DPPA2: variants seen among roughly 807,000 people sequenced by gnomAD.
The protein encoded by DPPA2 is developmental pluripotency associated 2.
DPPA2 carries 26 observed loss-of-function variants against 36.2 expected under a neutral mutation model. The ratio of observed to expected loss-of-function variants is 0.72; its 90% CI spans 0.53 to 1.00. The LOEUF is 1.00. Among genes scored for constraint, DPPA2 ranks in the 50% least tolerant of loss-of-function variants. The probability of loss-of-function intolerance (pLI) is 0.00; values close to 1 mark genes in which losing one functional copy is unlikely to be tolerated. For missense variants in DPPA2, 361 were observed against 365.1 expected (o/e 0.99, Z 0.09); for synonymous variants, 113 against 123.2 (o/e 0.92, Z 0.55).
chr3:109,302,685 C>A (rs1707477260), intron 7 of DPPA2, among the ~76,000 whole-genome samples: 1 of 150,596 alleles, frequency 6.6e-6, no homozygotes, highest in Admixed American at 6.7e-5. Flanking sequence ...AACTCCTGAC[C>A]TCGTGATCCG....
In DPPA2 at chr3:109,312,542, T is replaced by C. The variant is rs1177378579; in HGVS notation, c.181+3A>G. The C allele has an allele frequency of 3.1e-6, 5 of 1,612,494 alleles. No homozygotes were observed. Among genetic ancestry groups the C allele is most frequent in the Non-Finnish European group, 4.2e-6 (5 of 1,179,136 alleles). On this transcript the variant is annotated splice_donor_region_variant and intron_variant, in intron 3 of 8. Transcript: ENST00000478945. ...ACTAACTGAGCAATCCCTGTCCTCATACCTGGATTGTATTTCTTAGGCTTC... is the reference window on the plus strand; with the variant it reads ...ACTAACTGAGCAATCCCTGTCCTCACACCTGGATTGTATTTCTTAGGCTTC...
intron 1 of DPPA2, among the ~76,000 whole-genome samples, chr3:109,315,761 T>C (rs936944143): frequency 1.3e-5 from 2 of 152,122 alleles, no homozygotes. Context: ...CGGTGGCTCA[T>C]GTCTGTAATC....
intron 1 of DPPA2, among the ~76,000 whole-genome samples, chr3:109,315,078 A>G (rs190749207): frequency 3.3e-3 from 499 of 152,352 alleles, no homozygotes; most frequent in Non-Finnish European, 4.2e-3. Context: ...GAAGGAAAGA[A>G]AGAAGAAAAA....
chr3:109,310,040 T>C (rs1222993555), intron 3 of DPPA2, among the ~76,000 whole-genome samples: 1 of 150,886 alleles, frequency 6.6e-6, no homozygotes, highest in African/African-American at 2.4e-5. Context: ...CTGACCAATA[T>C]GGAGGAACCC....
At chr3:109,306,551 T>TA (rs1397176685) in intron 6 of DPPA2, among the ~76,000 whole-genome samples, 1 of 149,546 alleles carries the variant, frequency 6.7e-6, no homozygotes, top group African/African-American at 2.5e-5. Flanking sequence ...AATGGGGGAG[T>TA]AAAAAAAGGA....
Position 109,309,089 on chromosome 3 carries a change from T to C in DPPA2, c.343-10A>G, listed in dbSNP as rs751364752. ...GATAAACTTCGATTTTCTTAGGAAA[T>C]GAAGAGAGAGATTAAGTTAAAAGTT... On this transcript the variant is annotated splice_polypyrimidine_tract_variant and intron_variant, in intron 4 of 8. Transcript: ENST00000478945. 11 of 1,614,056 alleles carry C rather than the reference T, an allele frequency of 6.8e-6. No homozygotes were observed. Among genetic ancestry groups the C allele is most frequent in the Non-Finnish European group, 8.5e-6 (10 of 1,180,014 alleles).
intron 7 of DPPA2, among the ~76,000 whole-genome samples, chr3:109,301,457 G>C (rs1177727408): frequency 6.6e-6 from 1 of 152,008 alleles, no homozygotes; most frequent in African/African-American, 2.4e-5. Flanking sequence ...TTCCAGACCA[G>C]CCTGGCCAAC....
At chr3:109,314,718 G>A (rs1277192132) in intron 1 of DPPA2, among the ~76,000 whole-genome samples, 163 bp from the exon 2 acceptor site, 1 of 152,070 alleles carries the variant, frequency 6.6e-6, no homozygotes, top group Non-Finnish European at 1.5e-5. Flanking sequence ...CTGGTAATGG[G>A]ATAATTTTAT....
At chr3:109,296,949 G>C (rs750203846) in intron 8 of DPPA2, among the ~76,000 whole-genome samples, 2 of 151,968 alleles carry the variant, frequency 1.3e-5, no homozygotes, top group Non-Finnish European at 2.9e-5. Context: ...AATTAGCCAG[G>C]CATGGTAATG....
intron 6 of DPPA2, among the ~76,000 whole-genome samples, chr3:109,306,920 C>T (rs1416206643): frequency 6.6e-6 from 1 of 151,808 alleles, no homozygotes; most frequent in Non-Finnish European, 1.5e-5. Flanking sequence ...GATTCACGTG[C>T]CTTGGCCTCT....
At chr3:109,299,481 C>T (rs957065314) in intron 8 of DPPA2, among the ~76,000 whole-genome samples, 1 of 151,582 alleles carries the variant, frequency 6.6e-6, no homozygotes. Context: ...CACGCCACTG[C>T]ACTCCAGCCT....
At chr3:109,294,806 G>C (rs1430677438) in intron 8 of DPPA2, among the ~76,000 whole-genome samples, 1 of 152,118 alleles carries the variant, frequency 6.6e-6, no homozygotes, top group East Asian at 1.9e-4. Context: ...GGTGGATCAC[G>C]AGGTCAGGAG....
At chr3:109,306,120 T>C (rs1481822074) in intron 6 of DPPA2, among the ~76,000 whole-genome samples, 1 of 152,160 alleles carries the variant, frequency 6.6e-6, no homozygotes, top group Non-Finnish European at 1.5e-5. Flanking sequence ...GCTCCCCGAT[T>C]AGACTGTGAA....
Position 109,308,180 on chromosome 3 carries a change from T to C in DPPA2, c.510A>G (p.Glu170=). 1 of 1,614,226 alleles carries C rather than the reference T, an allele frequency of 6.2e-7. No homozygotes were observed. Among genetic ancestry groups the C allele is most frequent in the Non-Finnish European group, 8.5e-7 (1 of 1,180,032 alleles). The change falls in exon 6 of 9, where the codon GAA becomes GAG. Residue 170 remains glutamate (E), a synonymous_variant. Transcript: ENST00000478945. ...TTATCACTTCAACTGTATTGGTCTCTTCTGCTCTCTCATTCATCTCATAAC... is the reference window on the plus strand; with the variant it reads ...TTATCACTTCAACTGTATTGGTCTCCTCTGCTCTCTCATTCATCTCATAAC... ...QRSYEMNERA[E]ETNTVEVITS...
chr3:109,296,147 TA>T (rs1707347106), intron 8 of DPPA2, among the ~76,000 whole-genome samples: 3 of 152,044 alleles, frequency 2.0e-5, no homozygotes, highest in Non-Finnish European at 2.9e-5. Flanking sequence ...ATCCCAAAAT[TA>T]ATGACATACA....
intron 2 of DPPA2, 99 bp from the exon 3 acceptor site, chr3:109,312,791 T>C (rs1185910590): frequency 7.2e-7 from 1 of 1,386,222 alleles, no homozygotes; most frequent in Non-Finnish European, 9.8e-7. Context: ...GAGAAGACAG[T>C]AGGTGGATGG....
chr3:109,302,217 C>G (rs1277269745), intron 7 of DPPA2, among the ~76,000 whole-genome samples: 2 of 152,166 alleles, frequency 1.3e-5, no homozygotes, highest in African/African-American at 4.8e-5. Context: ...ATGTTTAGCT[C>G]TAACTCATAC....
intron 1 of DPPA2, 62 bp from the exon 2 acceptor site, chr3:109,314,617 C>G (rs1317924358): frequency 1.4e-6 from 2 of 1,472,928 alleles, no homozygotes; most frequent in Non-Finnish European, 1.9e-6. Context: ...AACCTGCTTT[C>G]TCCTTTTATA....
In DPPA2 at chr3:109,309,269, T is replaced by C. The variant is rs1576822895; in HGVS notation, c.243A>G (p.Pro81=). The change falls in exon 4 of 9, where the codon CCA becomes CCG. Residue 81 remains proline, a synonymous_variant. Transcript: ENST00000478945. ...TAPQKARCKI[P]ALPLPTILPP... ...GCAAAATGGTCGGCAAGGGAAGGGC[T>C]GGTATTTTGCATCTAGCTTTTTGTG... The C allele has an allele frequency of 3.1e-6, 5 of 1,614,188 alleles. No individual in the cohort carries two copies. Among genetic ancestry groups the C allele is most frequent in the Non-Finnish European group, 4.2e-6 (5 of 1,180,028 alleles).
Sources: allele counts gnomAD v4.1 joint callset (sites outside exome capture counted in the v4.1 genomes callset), GRCh38; gene constraint gnomAD v4.1.1; transcripts MANE v1.5; gene names NCBI Gene and HGNC (gene_info 2026-07-23, HGNC 2026-07-21).